PCDH11Y: variants seen among roughly 807,000 people sequenced by gnomAD.
PCDH11Y encodes the protein protocadherin 11 Y-linked.
For missense variants in PCDH11Y, 12 were observed against 224.8 expected (o/e 0.05, Z 6.05); for synonymous variants, 9 against 83.6 (o/e 0.11, Z 4.87).
intron 2 of PCDH11Y, among the ~76,000 whole-genome samples, chrY:5,199,808 T>C: frequency 3.0e-5 from 1 of 33,299 alleles, no homozygotes; most frequent in Non-Finnish European, 7.4e-5. Flanking sequence ...GTAAGAAAAA[T>C]AGAGATGTCA....
chrY:5,416,345 T>C, intron 2 of PCDH11Y, among the ~76,000 whole-genome samples: 1 of 33,109 alleles, frequency 3.0e-5, no homozygotes, highest in Admixed American at 2.8e-4. Context: ...CTAGTATTCT[T>C]GGTTGTATCT....
At chrY:5,594,597 G>A in intron 4 of PCDH11Y, among the ~76,000 whole-genome samples, 1 of 33,185 alleles carries the variant, frequency 3.0e-5, no homozygotes, top group Non-Finnish European at 7.5e-5. Context: ...GAGGGAGGGA[G>A]GGTGTGAGCT....
chrY:5,623,426 G>A (rs2053503259), intron 4 of PCDH11Y, among the ~76,000 whole-genome samples: 1 of 31,174 alleles, frequency 3.2e-5, no homozygotes, highest in African/African-American at 1.3e-4. Context: ...ATAGTTTTTC[G>A]ATCCTCACTC....
chrY:5,544,605 A>G, intron 3 of PCDH11Y, among the ~76,000 whole-genome samples: 1 of 32,531 alleles, frequency 3.1e-5, no homozygotes, highest in African/African-American at 1.2e-4. Flanking sequence ...ACTCACACGT[A>G]TAAGGAGGTA....
intron 2 of PCDH11Y, among the ~76,000 whole-genome samples, chrY:5,229,397 G>T: frequency 4.5e-5 from 1 of 22,125 alleles, no homozygotes; most frequent in Non-Finnish European, 9.6e-5. Flanking sequence ...CTCACTGCAA[G>T]CTCCACCTCC....
intron 3 of PCDH11Y, among the ~76,000 whole-genome samples, chrY:5,571,338 T>TA (rs2053439152): frequency 3.5e-5 from 1 of 28,566 alleles, no homozygotes; most frequent in Non-Finnish European, 8.3e-5. Context: ...TTATGGATTT[T>TA]AAAAAACATG....
chrY:5,031,180 C>G, intron 1 of PCDH11Y: 1 of 29,188 alleles, frequency 3.4e-5, no homozygotes, highest in East Asian at 8.7e-4. Flanking sequence ...TTGGACCATG[C>G]AGATTATTTT....
chrY:5,161,444 A>G, intron 2 of PCDH11Y, among the ~76,000 whole-genome samples: 1 of 33,496 alleles, frequency 3.0e-5, no homozygotes, highest in African/African-American at 1.2e-4. Context: ...ATATTATGCA[A>G]TTCTTCTCAC....
intron 2 of PCDH11Y, among the ~76,000 whole-genome samples, chrY:5,163,098 G>A: frequency 9.8e-5 from 3 of 30,556 alleles, no homozygotes; most frequent in Non-Finnish European, 1.6e-4. Flanking sequence ...AAAATGTAAC[G>A]CAGCCAGAGA....
intron 2 of PCDH11Y, among the ~76,000 whole-genome samples, chrY:5,445,672 CT>C (rs2053287303): frequency 9.4e-5 from 3 of 31,946 alleles, no homozygotes; most frequent in Non-Finnish European, 2.3e-4. Flanking sequence ...CATCAAAAAA[CT>C]TTTGGTTTCG....
chrY:5,660,049 T>C (rs2053539913), intron 4 of PCDH11Y, among the ~76,000 whole-genome samples: 21 of 29,338 alleles, frequency 7.2e-4, no homozygotes, highest in South Asian at 1.6e-3. Flanking sequence ...TAGCCCAGGT[T>C]GATTCTAGAT....
chrY:5,100,216 A>T, exon 2 of PCDH11Y: 1 of 395,616 alleles, frequency 2.5e-6, no homozygotes, highest in Admixed American at 7.7e-5. Context: ...TGCTCAGAAA[A>T]ACATGCAGAA....
At chrY:5,712,400 G>A in intron 4 of PCDH11Y, among the ~76,000 whole-genome samples, 2 of 33,461 alleles carry the variant, frequency 6.0e-5, no homozygotes, top group African/African-American at 1.2e-4. Flanking sequence ...CTTTGTCATG[G>A]GCTCTGCAAT....
intron 2 of PCDH11Y, among the ~76,000 whole-genome samples, chrY:5,244,957 C>G (rs2052993999): frequency 3.0e-5 from 1 of 33,553 alleles, no homozygotes; most frequent in Non-Finnish European, 7.4e-5. Flanking sequence ...AGAGGTATCC[C>G]CCACAGCCCA....
rs1602964370 is a variant in PCDH11Y at position 5,723,941 on chromosome Y, A to G, written c.3353-13331A>G. ...TATCAGAAAAACATAATAACTACAAACATACATGCACCTAACTCCAGTGCC... is the reference window on the plus strand; with the variant it reads ...TATCAGAAAAACATAATAACTACAAGCATACATGCACCTAACTCCAGTGCC... On this transcript the variant is annotated intron_variant, in intron 4 of 4. Transcript: ENST00000400457. Among the ~76,000 whole-genome samples the G allele has an allele frequency of 8.7e-5, 3 of 34,432 alleles. No individual in the cohort carries two copies. The East Asian group carries it at 2.3e-3, about 27-fold the overall frequency. The allele number at this position is 34,432 out of a possible 37,273, so 92.4% of individuals were successfully genotyped here.
intron 2 of PCDH11Y, among the ~76,000 whole-genome samples, chrY:5,147,261 C>T (rs2052858084): frequency 3.2e-5 from 1 of 31,691 alleles, no homozygotes; most frequent in African/African-American, 1.3e-4. Flanking sequence ...CTAATACAGA[C>T]TCCCATTATC....
At chrY:5,494,069 CT>C (rs2053341472) in intron 2 of PCDH11Y, among the ~76,000 whole-genome samples, 1 of 33,447 alleles carries the variant, frequency 3.0e-5, no homozygotes. Context: ...ATGTAAGTCA[CT>C]AAATATGGAT....
chrY:5,708,673 T>A, intron 4 of PCDH11Y, among the ~76,000 whole-genome samples: 1 of 33,267 alleles, frequency 3.0e-5, no homozygotes, highest in Admixed American at 2.8e-4. Context: ...AGCAAAAAGC[T>A]AAATCATATC....
chrY:5,659,371 T>C, intron 4 of PCDH11Y, among the ~76,000 whole-genome samples: 1 of 32,959 alleles, frequency 3.0e-5, no homozygotes, highest in African/African-American at 1.2e-4. Context: ...GGCAGTGATA[T>C]CTCTCAGGCC....
Sources: allele counts gnomAD v4.1 joint callset (sites outside exome capture counted in the v4.1 genomes callset), GRCh38; gene constraint gnomAD v4.1.1; transcripts MANE v1.5; gene names NCBI Gene and HGNC (gene_info 2026-07-23, HGNC 2026-07-21).